Variants in SLC9A9 observed in about 807,000 individuals in gnomAD.
SLC9A9 encodes the protein solute carrier family 9 member A9.
In SLC9A9, 62 loss-of-function variants were observed where a neutral mutation model predicts 77.8. That is an observed-to-expected ratio of 0.80 (90% CI 0.65 to 0.98). The LOEUF (loss-of-function observed/expected upper bound fraction) is 0.98, where lower values mean the gene tolerates loss of function less well. Among genes scored for constraint, SLC9A9 ranks in the 50% least tolerant of loss-of-function variants. The pLI is 0.00. For synonymous variants in SLC9A9, 320 were observed against 283.5 expected, an observed-to-expected ratio of 1.13 and a Z score of -1.29; for missense variants, 775 against 774.9, an observed-to-expected ratio of 1.00 and a Z score of 0.00.
At chr3:143,507,671 T>TGCTAAACTCTTAGGTGGGAG (rs2036044740) in intron 9 of SLC9A9, among the ~76,000 whole-genome samples, 1 of 152,262 alleles carries the variant, frequency 6.6e-6, no homozygotes, top group Admixed American at 6.5e-5. Flanking sequence ...AATTAGCCTA[T>TGCTAAACTCTTAGGTGGGAG]GCTAAACTCT....
At chr3:143,450,619 G>T (rs1281003391) in intron 12 of SLC9A9, among the ~76,000 whole-genome samples, 1 of 152,024 alleles carries the variant, frequency 6.6e-6, no homozygotes, top group African/African-American at 2.4e-5. Flanking sequence ...GAAAAGTAAA[G>T]ATTACTGTTT....
chr3:143,616,332 G>C lies in SLC9A9; in HGVS notation c.755+35923C>G, dbSNP rs190888388. 1.3e-3 allele frequency among the ~76,000 whole-genome samples: 203 copies of C among 152,224 alleles called. 1 individual carries two copies. The highest frequency in any genetic ancestry group is 4.9e-3 in the African/African-American group (202 of 41,520). ...ATTAGAAAGAGTTGGGAGACTACTA[G>C]AAGTACAAAAATTTATGACTGAAAT... On this transcript the variant is annotated intron_variant, in intron 6 of 15. Coordinates refer to ENST00000316549, the MANE Select transcript of SLC9A9 (RefSeq NM_173653.4).
chr3:143,313,471 C>G (rs770790281), intron 14 of SLC9A9, among the ~76,000 whole-genome samples: 13 of 152,210 alleles, frequency 8.5e-5, no homozygotes, highest in Non-Finnish European at 1.6e-4. Context: ...CCTGCTCTTT[C>G]CTGGCAGCCA....
chr3:143,792,419 A>G (rs2008251541), intron 4 of SLC9A9, among the ~76,000 whole-genome samples: 1 of 152,196 alleles, frequency 6.6e-6, no homozygotes, highest in African/African-American at 2.4e-5. Context: ...TCCCAAAACA[A>G]TTGGACTTGC....
chr3:143,820,397 A>G (rs760810803), intron 2 of SLC9A9, among the ~76,000 whole-genome samples: 4 of 152,228 alleles, frequency 2.6e-5, no homozygotes, highest in Non-Finnish European at 4.4e-5. Flanking sequence ...TGTTTTGCGT[A>G]AGATTCTTGA....
intron 8 of SLC9A9, among the ~76,000 whole-genome samples, chr3:143,568,423 C>T (rs913925731): frequency 6.6e-6 from 1 of 152,162 alleles, no homozygotes; most frequent in African/African-American, 2.4e-5. Flanking sequence ...AGAACCAACA[C>T]ATGTCCACCA....
chr3:143,832,369 A>G, intron 1 of SLC9A9, 148 bp from the exon 2 acceptor site: 1 of 675,660 alleles, frequency 1.5e-6, no homozygotes, highest in Non-Finnish European at 2.5e-6. Context: ...TTTTGCATGG[A>G]TACCAGTTCA....
At position 143,601,001 on chromosome 3, in the gene SLC9A9, T is replaced by G. The variant is rs181028022; in HGVS notation, c.756-22278A>C. ...TGAATGGGGATGTAAGCGGAAATGTTGCAAGTGTATTTGTGTAAGCACACA... is the reference window on the plus strand; with the variant it reads ...TGAATGGGGATGTAAGCGGAAATGTGGCAAGTGTATTTGTGTAAGCACACA... On this transcript the variant is annotated intron_variant, in intron 6 of 15. Transcript: ENST00000316549. Among the ~76,000 whole-genome samples, 380 of 152,350 alleles carry G rather than the reference T, an allele frequency of 2.5e-3. 1 individual carries two copies. The highest frequency in any genetic ancestry group is 4.6e-3 in the Non-Finnish European group (310 of 68,028).
chr3:143,699,307 A>G (rs1358033992), intron 4 of SLC9A9, among the ~76,000 whole-genome samples: 2 of 147,912 alleles, frequency 1.4e-5, no homozygotes, highest in Non-Finnish European at 3.0e-5. Flanking sequence ...CCCCACAAAT[A>G]TAACAATTTA....
At chr3:143,320,465 T>A (rs2031378587) in intron 14 of SLC9A9, among the ~76,000 whole-genome samples, 1 of 152,208 alleles carries the variant, frequency 6.6e-6, no homozygotes, top group South Asian at 2.1e-4. Flanking sequence ...CTGCAGGCTG[T>A]CCAGAAGGCA....
chr3:143,798,901 A>C (rs1210694701), intron 2 of SLC9A9, among the ~76,000 whole-genome samples: 3 of 151,930 alleles, frequency 2.0e-5, no homozygotes, highest in Non-Finnish European at 2.9e-5. Flanking sequence ...CTACAGACCC[A>C]ACTGACCTCT....
At chr3:143,424,038 T>C (rs1434551980) in intron 12 of SLC9A9, among the ~76,000 whole-genome samples, 1 of 152,146 alleles carries the variant, frequency 6.6e-6, no homozygotes, top group Non-Finnish European at 1.5e-5. Flanking sequence ...TGTTCCAGAT[T>C]AAAGGGGACT....
intron 4 of SLC9A9, among the ~76,000 whole-genome samples, chr3:143,772,725 G>T (rs569261905): frequency 6.6e-6 from 1 of 152,302 alleles, no homozygotes; most frequent in African/African-American, 2.4e-5. Context: ...CCCAAGTCCG[G>T]TTTGTGAAAA....
intron 4 of SLC9A9, among the ~76,000 whole-genome samples, chr3:143,708,366 A>T (rs1170679441): frequency 6.6e-6 from 1 of 152,116 alleles, no homozygotes; most frequent in Admixed American, 6.5e-5. Flanking sequence ...CACATTCACT[A>T]AAGGCACCAT....
chr3:143,844,641 G>A (rs2009782365), intron 1 of SLC9A9, among the ~76,000 whole-genome samples: 1 of 152,120 alleles, frequency 6.6e-6, no homozygotes, highest in Non-Finnish European at 1.5e-5. Context: ...GCACGGAGAT[G>A]ACTGTTACAG....
At chr3:143,411,922 C>A (rs1262105441) in intron 12 of SLC9A9, among the ~76,000 whole-genome samples, 1 of 152,022 alleles carries the variant, frequency 6.6e-6, no homozygotes, top group East Asian at 1.9e-4. Flanking sequence ...GGCCAGTGAA[C>A]AACAAGCAGA....
intron 12 of SLC9A9, among the ~76,000 whole-genome samples, chr3:143,466,620 G>T (rs1041306636): frequency 2.0e-5 from 3 of 152,240 alleles, no homozygotes; most frequent in South Asian, 4.2e-4. Flanking sequence ...TTGTAAGTGC[G>T]GTGAGGAATT....
chr3:143,548,711 G>C (rs2036831568), intron 9 of SLC9A9, among the ~76,000 whole-genome samples: 1 of 152,104 alleles, frequency 6.6e-6, no homozygotes. Context: ...TTCATAGGTT[G>C]AAGCAAAAAT....
intron 6 of SLC9A9, among the ~76,000 whole-genome samples, chr3:143,589,025 C>T (rs1422148295): frequency 6.6e-6 from 1 of 152,100 alleles, no homozygotes; most frequent in African/African-American, 2.4e-5. Context: ...GATGGAAATC[C>T]AGCTAAAGTT....
Sources: allele counts gnomAD v4.1 joint callset (sites outside exome capture counted in the v4.1 genomes callset), GRCh38; gene constraint gnomAD v4.1.1; transcripts MANE v1.5; gene names NCBI Gene and HGNC (gene_info 2026-07-23, HGNC 2026-07-21).